CLCN2: variants seen among roughly 807,000 people sequenced by gnomAD.
The protein encoded by CLCN2 is chloride voltage-gated channel 2.
A neutral mutation model predicts 108.3 loss-of-function variants in CLCN2; 72 were observed. That is an observed-to-expected ratio of 0.66 (90% confidence interval 0.55 to 0.81). The LOEUF is 0.81. CLCN2 is among the 30% of genes least tolerant of loss of function. The pLI, the probability that CLCN2 is intolerant of heterozygous loss-of-function variation, is 0.00. For missense variants in CLCN2, 1,048 were observed against 1,205.2 expected, an observed-to-expected ratio of 0.87 and a Z score of 1.93; for synonymous variants, 471 against 467.1, an observed-to-expected ratio of 1.01 and a Z score of -0.11.
rs1165929292 is a variant in CLCN2, at chr3:184,354,324, G to A, written c.1508-10C>T. The A allele has an allele frequency of 1.2e-6, 2 of 1,612,126 alleles. No homozygotes were observed. The highest frequency in any genetic ancestry group is 2.7e-5 in the African/African-American group (2 of 74,852). ...GCCAGCGCAGCTGCCCCTGGGGACA[G>A]TCACACTCAGTCTCCTCAGGGTGCC... On this transcript the variant is annotated splice_polypyrimidine_tract_variant and intron_variant, in intron 14 of 23. Transcript: ENST00000265593.
At chr3:184,354,361 A>G in intron 14 of CLCN2, 47 bp from the exon 15 acceptor site, 1 of 1,585,778 alleles carries the variant, frequency 6.3e-7, no homozygotes, top group South Asian at 1.1e-5. Flanking sequence ...AGGTCCCAGA[A>G]GACCCTCCAC....
rs916675716 is a variant in CLCN2, at chr3:184,354,806, C to T, written c.1396+98G>A. The T allele has an allele frequency of 2.1e-6, 3 of 1,451,410 alleles. No individual in the cohort carries two copies. In the African/African-American group the frequency reaches 4.2e-5, roughly 20 times the overall value. 89.9% of individuals were successfully genotyped at this position (1,451,410 alleles called of 1,614,324 possible). A position where few individuals can be genotyped will look rare whatever the true frequency, so the allele number is the denominator to read the frequency against. ...TGTGGGGTCAGGGTTCGGGCTAGGGCTGGACCAAAAACCCGCTCTTGGGCA... is the reference window on the plus strand; with the variant it reads ...TGTGGGGTCAGGGTTCGGGCTAGGGTTGGACCAAAAACCCGCTCTTGGGCA... On this transcript the variant is annotated intron_variant, in intron 13 of 23. Coordinates refer to ENST00000265593, the MANE Select transcript of CLCN2 (RefSeq NM_004366.6).
Position 184,357,352 on chromosome 3 carries a change from G to C in CLCN2, c.898+10C>G. The C allele has an allele frequency of 6.2e-7, 1 of 1,614,072 alleles. No homozygotes were observed. Among genetic ancestry groups the C allele is most frequent in the Non-Finnish European group, 8.5e-7 (1 of 1,180,020 alleles). Reference sequence around the variant, plus strand: ...ATCTCGGGCTGCCCTCATCCCCTGGGTGCCCCCACCTTCATCCCGGTTCCA... The same window carrying C: ...ATCTCGGGCTGCCCTCATCCCCTGGCTGCCCCCACCTTCATCCCGGTTCCA... On this transcript the variant is annotated intron_variant, in intron 8 of 23. Coordinates refer to ENST00000265593, the MANE Select transcript of CLCN2 (RefSeq NM_004366.6).
rs759787405 is a variant in CLCN2, at chr3:184,358,334, C to T, written c.353-24G>A. The T allele has an allele frequency of 1.8e-5, 29 of 1,612,832 alleles. No individual in the cohort carries two copies. The Admixed American group carries it at 3.7e-4, about 20-fold the overall frequency. ...GGCTGTGGGAAGAGGACCTGCTGGA[C>T]CCCCAGTGCACACACCCACTGCCTG... is the stretch of plus-strand genomic sequence containing the variant. On this transcript the variant is annotated intron_variant, in intron 3 of 23. Coordinates refer to ENST00000265593, the MANE Select transcript of CLCN2 (RefSeq NM_004366.6).
At chr3:184,356,688 G>A in intron 10 of CLCN2, 1 of 432,810 alleles carries the variant, frequency 2.3e-6, no homozygotes, top group South Asian at 2.4e-5. Context: ...GGGTCATGGG[G>A]GGAACCTGAG....
chr3:184,346,512 C>G lies in CLCN2; in HGVS notation c.*94G>C. 6.9e-7 allele frequency: 1 copy of G among 1,456,690 alleles called. No homozygotes were observed. Among genetic ancestry groups the G allele is most frequent in the Non-Finnish European group, 9.5e-7 (1 of 1,052,994 alleles). The allele number at this position is 1,456,690 out of a possible 1,614,324, so 90.2% of individuals were successfully genotyped here. ...GCTGGGGTGCAGCCTCCAGCTGTAGCTGCCTCCTGCCTTCCGAAGGCAGAA... is the reference window on the plus strand; with the variant it reads ...GCTGGGGTGCAGCCTCCAGCTGTAGGTGCCTCCTGCCTTCCGAAGGCAGAA... On this transcript the variant is annotated 3_prime_UTR_variant, in exon 24 of 24. Coordinates refer to ENST00000265593, the MANE Select transcript of CLCN2 (RefSeq NM_004366.6). The surrounding 1 kb of genome is among the most constrained non-coding windows in gnomAD (Gnocchi z 6.0).
rs1434840009 is a variant in CLCN2, at chr3:184,346,434, C to T, written c.*172G>A. 4 of 736,860 alleles carry T rather than the reference C, an allele frequency of 5.4e-6. No individual in the cohort carries two copies. Among genetic ancestry groups the T allele is most frequent in the Non-Finnish European group, 9.2e-6 (4 of 432,922 alleles). The allele number at this position is 736,860 out of a possible 1,614,324, so 45.6% of individuals were successfully genotyped here. ...GACTTGTTGCAGGTGGGTAGTGGGT[C>T]AGATTCCAGGTAGGATGAACTGGGA... On this transcript the variant is annotated 3_prime_UTR_variant, in exon 24 of 24. Transcript: ENST00000265593. This position sits in a 1 kb window ranked among gnomAD's most constrained non-coding sequence, Gnocchi z 6.0.
chr3:184,354,018 A>G (rs1217127206), intron 15 of CLCN2, 83 bp downstream of exon 15: 2 of 1,466,752 alleles, frequency 1.4e-6, no homozygotes, highest in Non-Finnish European at 1.9e-6. Context: ...AGGCTCCAGG[A>G]CCTTGCTAGA....
In CLCN2 at chr3:184,357,218, A is replaced by G. The variant is rs1728619538; in HGVS notation, c.947T>C (p.Phe316Ser). The G allele has an allele frequency of 6.2e-7, 1 of 1,613,868 alleles. No individual in the cohort carries two copies. Among genetic ancestry groups the G allele is most frequent in the Non-Finnish European group, 8.5e-7 (1 of 1,180,024 alleles). Residue 316 changes from phenylalanine to serine, a missense_variant, in exon 9 of 24, where the codon TTT (phenylalanine) becomes TCT (serine). Phe to Ser is a radical substitution (Grantham distance 155). Transcript: ENST00000265593. The stretch of plus-strand genomic sequence containing the variant: ...AAAGGCTGGCAGCTCCTGCAGGTCA[A>G]AGGGGAAGTCGAGCCGGAATCGGGT... Reference protein sequence around the residue: ...FKTRFRLDFPFDLQELPAFAV... With the variant: ...FKTRFRLDFPSDLQELPAFAV...
intron 2 of CLCN2, 27 bp from the exon 3 acceptor site, chr3:184,358,840 G>A (rs1371109030): frequency 6.2e-7 from 1 of 1,613,878 alleles, no homozygotes; most frequent in African/African-American, 1.3e-5. Context: ...GAAGAAGGGG[G>A]AGGATGGCAC....
intron 7 of CLCN2, 56 bp from the exon 8 acceptor site, chr3:184,357,543 A>G: frequency 6.2e-7 from 1 of 1,613,946 alleles, no homozygotes; most frequent in Non-Finnish European, 8.5e-7. Flanking sequence ...AAGGCCTCAG[A>G]CCCAGATAAG....
At chr3:184,357,567 G>A (rs1294855310) in intron 7 of CLCN2, 53 bp downstream of exon 7, 3 of 1,613,830 alleles carry the variant, frequency 1.9e-6, no homozygotes, top group East Asian at 2.2e-5. Flanking sequence ...GGCCAAGGAG[G>A]AGAGGCCAAG....
In CLCN2 at chr3:184,354,554, C is replaced by T; in HGVS notation, c.1501G>A (p.Val501Met). 9.3e-6 allele frequency: 15 copies of T among 1,612,906 alleles called. No individual in the cohort carries two copies. The highest frequency in any genetic ancestry group is 1.3e-5 in the Non-Finnish European group (15 of 1,179,750). The part of the protein sequence containing the change: ...TYRIVPGGYA[V>M]VGAAALAGAV... ...TGGGACCTGAGGCACTCACCGACCA[C>T]AGCGTAGCCCCCAGGCACAATCCGG... is the stretch of plus-strand genomic sequence containing the variant. Residue 501 changes from valine (V) to methionine (M), a missense_variant, in exon 14 of 24, where the codon GTG (valine) becomes ATG (methionine). Coordinates refer to ENST00000265593, the MANE Select transcript of CLCN2 (RefSeq NM_004366.6).
rs372129367 is a variant in CLCN2, at chr3:184,354,875, G to A, written c.1396+29C>T. On this transcript the variant is annotated intron_variant, in intron 13 of 23. Coordinates refer to ENST00000265593, the MANE Select transcript of CLCN2 (RefSeq NM_004366.6). ...TGGCCAGAGGCTGAGGAAGGTGCAGGCTGGGTGAGCAGGCAGCTGAGAACT... is the reference window on the plus strand; with the variant it reads ...TGGCCAGAGGCTGAGGAAGGTGCAGACTGGGTGAGCAGGCAGCTGAGAACT... The A allele has an allele frequency of 1.9e-6, 3 of 1,607,470 alleles. No homozygotes were observed. The South Asian group carries it at 3.3e-5, about 18-fold the overall frequency.
intron 13 of CLCN2, 65 bp from the exon 14 acceptor site, chr3:184,354,723 A>G (rs1728408321): frequency 7.2e-7 from 1 of 1,382,420 alleles, no homozygotes; most frequent in Non-Finnish European, 1.0e-6. Context: ...CACTAGGAAG[A>G]GAGAGGGTCA....
At chr3:184,354,802 A>G (rs1055200307) in intron 13 of CLCN2, 102 bp downstream of exon 13, 3 of 1,420,882 alleles carry the variant, frequency 2.1e-6, no homozygotes, top group African/African-American at 2.8e-5. Context: ...GGTTCGGGCT[A>G]GGGCTGGACC....
rs561080385 is a variant in CLCN2, at chr3:184,353,693, C to T, written c.1824G>A (p.Lys608=). Residue 608 remains lysine (K), a synonymous_variant, in exon 16 of 24, where the codon AAG becomes AAA. Transcript: ENST00000265593. Reference sequence around the variant, plus strand: ...ACTCCACTAGGGCCAGCATTCGGCCCTTGGTCCTGTGCAGTGCCAAACGCA... The same window carrying T: ...ACTCCACTAGGGCCAGCATTCGGCCTTTGGTCCTGTGCAGTGCCAAACGCA... ...RDLRLALHRT[K]GRMLALVESP... is the part of the protein sequence containing the mutation. 3 of 1,611,948 alleles carry T rather than the reference C, an allele frequency of 1.9e-6. No individual in the cohort carries two copies. In the African/African-American group the frequency reaches 4.0e-5, roughly 21 times the overall value.
intron 15 of CLCN2, 36 bp from the exon 16 acceptor site, chr3:184,353,831 C>A: frequency 6.3e-7 from 1 of 1,596,290 alleles, no homozygotes; most frequent in Non-Finnish European, 8.5e-7. Flanking sequence ...TTGTGGTCAG[C>A]ATGGGGAGAG....
chr3:184,350,370 A>G (rs1002522369), intron 22 of CLCN2, among the ~76,000 whole-genome samples: 4 of 152,070 alleles, frequency 2.6e-5, no homozygotes, highest in African/African-American at 9.7e-5. Context: ...TTCCCTGTGT[A>G]TTAATATGGT....
Sources: allele counts gnomAD v4.1 joint callset (sites outside exome capture counted in the v4.1 genomes callset), GRCh38; gene constraint gnomAD v4.1.1; non-coding constraint Gnocchi (gnomAD v3.1); transcripts MANE v1.5; gene names NCBI Gene and HGNC (gene_info 2026-07-23, HGNC 2026-07-21).